Variants in CSMD2 observed in about 807,000 individuals in gnomAD.
CSMD2 encodes CUB and sushi domain-containing protein 2.
Under a neutral mutation model 398.5 loss-of-function variants are expected in CSMD2, and 130 were observed. That is an observed-to-expected ratio of 0.33 (90% confidence interval 0.28 to 0.38). The LOEUF (loss-of-function observed/expected upper bound fraction) is 0.38, where lower values mean the gene tolerates loss of function less well. Among genes scored for constraint, CSMD2 ranks in the 10% least tolerant of loss-of-function variants. The pLI, the probability that CSMD2 is intolerant of heterozygous loss-of-function variation, is 1.00. For missense variants in CSMD2, 3,829 were observed against 4,764.9 expected (o/e 0.80, Z 5.78); for synonymous variants, 1,828 against 1,908.5 (o/e 0.96, Z 1.10).
intron 13 of CSMD2, among the ~76,000 whole-genome samples, chr1:33,762,615 TGG>T (rs1291327820): frequency 1.3e-5 from 2 of 152,204 alleles, no homozygotes; most frequent in African/African-American, 4.8e-5. Context: ...ATTCCTGGGT[TGG>T]ATTGGACTGA....
chr1:33,785,478 G>A (rs139824669), intron 12 of CSMD2, among the ~76,000 whole-genome samples: 23 of 152,342 alleles, frequency 1.5e-4, no homozygotes, highest in Non-Finnish European at 2.8e-4. Context: ...GTGACCTCAG[G>A]CAGATTACTT....
At chr1:33,899,370 A>C (rs900661154) in intron 5 of CSMD2, among the ~76,000 whole-genome samples, 2 of 152,180 alleles carry the variant, frequency 1.3e-5, no homozygotes, top group African/African-American at 4.8e-5. Flanking sequence ...TCTCTTTCCA[A>C]CCTCCAAAAT....
chr1:34,049,628 C>T (rs1652947466), intron 2 of CSMD2, among the ~76,000 whole-genome samples: 2 of 152,060 alleles, frequency 1.3e-5, no homozygotes, highest in Admixed American at 1.3e-4. Context: ...AGTGAGGTGC[C>T]ACAGAAGAAA....
intron 2 of CSMD2, among the ~76,000 whole-genome samples, chr1:34,074,211 AG>A (rs1656060247): frequency 6.6e-6 from 1 of 152,252 alleles, no homozygotes; most frequent in Admixed American, 6.5e-5. Context: ...TTGGCAGCTT[AG>A]GGGCCTTACA....
At chr1:34,032,969 T>A (rs1447676802) in intron 2 of CSMD2, among the ~76,000 whole-genome samples, 1 of 152,192 alleles carries the variant, frequency 6.6e-6, no homozygotes, top group African/African-American at 2.4e-5. Flanking sequence ...CTTTTCTCCT[T>A]TTCTGATTTC....
At chr1:33,829,070 A>G (rs1163496045) in intron 6 of CSMD2, among the ~76,000 whole-genome samples, 1 of 152,248 alleles carries the variant, frequency 6.6e-6, no homozygotes, top group Non-Finnish European at 1.5e-5. Flanking sequence ...GCCTGTAGCC[A>G]CCACATGGTC....
chr1:33,843,800 C>A (rs558406338), intron 6 of CSMD2, among the ~76,000 whole-genome samples: 1 of 152,214 alleles, frequency 6.6e-6, no homozygotes, highest in South Asian at 2.1e-4. Flanking sequence ...CCCTGATCCC[C>A]TCCTCACGCC....
chr1:33,603,071 T>TAGATAAGTAGTTTAGCCTCCCTG (rs1553152449), intron 42 of CSMD2, among the ~76,000 whole-genome samples: 50 of 152,212 alleles, frequency 3.3e-4, no homozygotes, highest in African/African-American at 1.1e-3. Context: ...CAGATAGTCT[T>TAGATAAGTAGTTTAGCCTCCCTG]AGATAAGTAG....
chr1:33,678,671 A>G (rs1398797614), intron 25 of CSMD2, among the ~76,000 whole-genome samples: 1 of 152,160 alleles, frequency 6.6e-6, no homozygotes, highest in Non-Finnish European at 1.5e-5. Context: ...CCCCCCTCTA[A>G]GCTGACCGAG....
At chr1:33,875,816 G>T (rs1228137509) in intron 5 of CSMD2, among the ~76,000 whole-genome samples, 2 of 152,100 alleles carry the variant, frequency 1.3e-5, no homozygotes, top group Non-Finnish European at 2.9e-5. Flanking sequence ...GGAGGGAGGG[G>T]GGCTGTTAAG....
intron 1 of CSMD2, among the ~76,000 whole-genome samples, chr1:34,092,336 T>C (rs1385855302): frequency 6.6e-6 from 1 of 152,190 alleles, no homozygotes; most frequent in Non-Finnish European, 1.5e-5. Context: ...AAAAGCCCAA[T>C]GACCCGTTTT....
chr1:33,703,087 A>G (rs1332269952), intron 22 of CSMD2, among the ~76,000 whole-genome samples: 1 of 152,134 alleles, frequency 6.6e-6, no homozygotes, highest in Non-Finnish European at 1.5e-5. Flanking sequence ...TGTTTTAGCT[A>G]CTGTAGCTTT....
chr1:33,974,113 G>A (rs1645871176), intron 3 of CSMD2, among the ~76,000 whole-genome samples: 1 of 152,162 alleles, frequency 6.6e-6, no homozygotes, highest in Admixed American at 6.5e-5. Flanking sequence ...CTTTGTGTGT[G>A]TTTTCATCAA....
Position 33,885,847 on chromosome 1 carries a change from T to C in CSMD2, c.920+32247A>G, listed in dbSNP as rs143833086. Among the ~76,000 whole-genome samples the C allele has an allele frequency of 5.3e-5, 8 of 152,330 alleles. No homozygotes were observed. In the East Asian group the frequency reaches 1.5e-3, roughly 29 times the overall value. On this transcript the variant is annotated intron_variant, in intron 5 of 70. Transcript: ENST00000373381. ...TGGTGAGTGGTTAAGAGCATGGGCT[T>C]GGGAGACAAAGTCTTGGCTCTATTA...
intron 2 of CSMD2, among the ~76,000 whole-genome samples, chr1:34,079,603 C>T (rs1057348006): frequency 6.6e-6 from 1 of 152,070 alleles, no homozygotes; most frequent in Admixed American, 6.5e-5. Context: ...GATGGAATAT[C>T]TACATTAACT....
chr1:33,810,421 C>G (rs570262227), intron 10 of CSMD2, among the ~76,000 whole-genome samples: 9 of 152,104 alleles, frequency 5.9e-5, no homozygotes, highest in Non-Finnish European at 1.2e-4. Context: ...AATAAACACA[C>G]AATTGAGGTA....
intron 37 of CSMD2, among the ~76,000 whole-genome samples, chr1:33,620,016 G>T (rs572886399): frequency 1.3e-5 from 2 of 152,192 alleles, no homozygotes; most frequent in Non-Finnish European, 2.9e-5. Context: ...ACAAAAAAGC[G>T]TGGTAGGAAG....
intron 1 of CSMD2, among the ~76,000 whole-genome samples, chr1:34,155,087 G>A (rs1640686579): frequency 1.3e-5 from 2 of 152,140 alleles, no homozygotes; most frequent in Non-Finnish European, 2.9e-5. Flanking sequence ...TATTGGGATT[G>A]GGATAGCTTA....
At chr1:33,548,534 C>A (rs12751162) in intron 56 of CSMD2, among the ~76,000 whole-genome samples, 29,562 of 152,082 alleles carry the variant, frequency 0.19, 3,098 homozygotes, top group East Asian at 0.36. Flanking sequence ...ACTGCTTGCA[C>A]ACAATGAGAC....
Sources: gnomAD v4.1 joint callset for allele counts (sites outside exome capture counted in the v4.1 genomes callset) on GRCh38, gnomAD v4.1.1 for gene constraint, MANE v1.5 for transcripts, NCBI Gene and HGNC (gene_info 2026-07-23, HGNC 2026-07-21) for gene names.